Variants in ITPR2 observed in about 807,000 individuals in gnomAD.
ITPR2 encodes inositol 1,4,5-trisphosphate receptor type 2.
A neutral mutation model predicts 317.1 loss-of-function variants in ITPR2; 207 were observed. The observed-to-expected ratio is 0.65, with a 90% confidence interval of 0.58 to 0.73. The LOEUF is 0.73. ITPR2 is among the 30% of genes least tolerant of loss of function. The pLI is 0.00. For synonymous variants in ITPR2, 1,156 were observed against 1,149.1 expected, an observed-to-expected ratio of 1.01 and a Z score of -0.12; for missense variants, 2,613 against 3,284.0, an observed-to-expected ratio of 0.80 and a Z score of 4.99.
At position 26,386,106 on chromosome 12, in the gene ITPR2, T is replaced by C. The variant is rs77894696; in HGVS notation, c.7857+1328A>G. 9.4e-3 allele frequency among the ~76,000 whole-genome samples: 1,437 copies of C among 152,276 alleles called. 12 individuals are homozygous for C. The highest frequency in any genetic ancestry group is 0.015 in the Non-Finnish European group (993 of 68,030). ...CAGCAATGTGAGGTCCCATTTTAAA[T>C]ATAATGTTTTACATGTTTTTACCCT... On this transcript the variant is annotated intron_variant, in intron 55 of 56. Coordinates refer to ENST00000381340, the MANE Select transcript of ITPR2 (RefSeq NM_002223.4).
intron 37 of ITPR2, among the ~76,000 whole-genome samples, chr12:26,542,069 TA>T (rs1396457435): frequency 6.6e-6 from 1 of 152,220 alleles, no homozygotes; most frequent in Non-Finnish European, 1.5e-5. Flanking sequence ...AATTAGATGC[TA>T]TGCTATTTGT....
At chr12:26,723,290 T>A (rs572710203) in intron 4 of ITPR2, among the ~76,000 whole-genome samples, 1 of 152,082 alleles carries the variant, frequency 6.6e-6, no homozygotes, top group African/African-American at 2.4e-5. Flanking sequence ...GGTTCTTTAA[T>A]TGAAAAAAAA....
intron 2 of ITPR2, among the ~76,000 whole-genome samples, chr12:26,728,182 G>A (rs1157785338): frequency 6.6e-6 from 1 of 152,174 alleles, no homozygotes; most frequent in African/African-American, 2.4e-5. Context: ...GGCCATCCCC[G>A]AAACCCGCTG....
At chr12:26,671,572 C>T (rs1002014428) in intron 13 of ITPR2, among the ~76,000 whole-genome samples, 4 of 152,170 alleles carry the variant, frequency 2.6e-5, no homozygotes, top group Admixed American at 1.3e-4. Flanking sequence ...AAAGGAACAA[C>T]TGGTACCAGC....
intron 45 of ITPR2, among the ~76,000 whole-genome samples, chr12:26,459,280 T>C (rs1016753128): frequency 5.3e-5 from 8 of 152,208 alleles, no homozygotes; most frequent in Non-Finnish European, 1.0e-4. Flanking sequence ...GTTTCTCTCA[T>C]TCTCCCCTCT....
chr12:26,420,280 AG>A (rs1485175282), intron 49 of ITPR2, among the ~76,000 whole-genome samples: 2 of 152,190 alleles, frequency 1.3e-5, no homozygotes, highest in African/African-American at 4.8e-5. Context: ...CGAGTTCTTT[AG>A]GTTATCTACT....
chr12:26,611,766 T>C (rs1308492155), intron 26 of ITPR2, among the ~76,000 whole-genome samples: 5 of 152,176 alleles, frequency 3.3e-5, no homozygotes, highest in Non-Finnish European at 7.3e-5. Flanking sequence ...AAGCGGTGGA[T>C]GAACGTAAAG....
At chr12:26,374,019 T>C (rs899365279) in intron 55 of ITPR2, among the ~76,000 whole-genome samples, 2 of 152,246 alleles carry the variant, frequency 1.3e-5, no homozygotes, top group African/African-American at 4.8e-5. Context: ...AATTAGCTCC[T>C]ACCACTCCTG....
At chr12:26,699,683 GACAAAAAGCCA>G (rs1204831654) in intron 9 of ITPR2, among the ~76,000 whole-genome samples, 5 of 151,900 alleles carry the variant, frequency 3.3e-5, no homozygotes, top group Non-Finnish European at 5.9e-5. Context: ...GGGAAAGAAG[GACAAAAAGCCA>G]CCCAAATAAA....
rs113224913 is a variant in ITPR2, at chr12:26,643,016, A to G, written c.2741-10957T>C. 1.2e-3 allele frequency among the ~76,000 whole-genome samples: 185 copies of G among 152,266 alleles called. 1 individual carries two copies. The highest frequency in any genetic ancestry group is 4.3e-3 in the African/African-American group (178 of 41,540). ...TGGTGTTAGAAGTAGAACCTTTGGG[A>G]GGTGATTAGGTCATGGAGGAGGAGT... On this transcript the variant is annotated intron_variant, in intron 21 of 56. Coordinates refer to ENST00000381340, the MANE Select transcript of ITPR2 (RefSeq NM_002223.4).
At chr12:26,560,910 T>C (rs548031396) in intron 35 of ITPR2, among the ~76,000 whole-genome samples, 1 of 152,314 alleles carries the variant, frequency 6.6e-6, no homozygotes, top group Admixed American at 6.5e-5. Flanking sequence ...TTCAACTCCA[T>C]GCAATATTCT....
chr12:26,445,449 C>A (rs186367538), intron 45 of ITPR2, among the ~76,000 whole-genome samples: 1 of 152,038 alleles, frequency 6.6e-6, no homozygotes, highest in African/African-American at 2.4e-5. Flanking sequence ...CTCCATGGAA[C>A]TCCAATATAG....
intron 34 of ITPR2, among the ~76,000 whole-genome samples, chr12:26,575,214 C>A (rs1408529245): frequency 6.8e-6 from 1 of 146,860 alleles, no homozygotes; most frequent in Non-Finnish European, 1.5e-5. Flanking sequence ...AGGAATCTAG[C>A]CTTAGGTTGT....
At chr12:26,426,680 C>A (rs1459306931) in intron 49 of ITPR2, among the ~76,000 whole-genome samples, 1 of 151,994 alleles carries the variant, frequency 6.6e-6, no homozygotes, top group Non-Finnish European at 1.5e-5. Context: ...TAATTGGGAG[C>A]TGTCAAATAC....
chr12:26,398,918 G>A lies in ITPR2; in HGVS notation c.7654C>T (p.Gln2552Ter). 6.2e-7 allele frequency: 1 copy of A among 1,610,000 alleles called. No homozygotes were observed. Among genetic ancestry groups the A allele is most frequent in the South Asian group, 1.1e-5 (1 of 90,204 alleles). The change falls in exon 54 of 57, where the codon CAG (glutamine) becomes TAG (stop). Residue 2552 changes from glutamine to a stop codon, truncating the protein, a stop_gained. Coordinates refer to ENST00000381340, the MANE Select transcript of ITPR2 (RefSeq NM_002223.4). LOFTEE classifies it high-confidence loss of function. Reference sequence around the variant, plus strand: ...GTCTTTAGAATTTCTTCTTTTTTCTGTTTTTCGCTTCTGAGATCAGCAAAA... The same window carrying A: ...GTCTTTAGAATTTCTTCTTTTTTCTATTTTTCGCTTCTGAGATCAGCAAAA... ...DTFADLRSEK[Q>*]KKEEILKTTC...
At chr12:26,704,931 T>C (rs767470606) in intron 9 of ITPR2, among the ~76,000 whole-genome samples, 5 of 152,032 alleles carry the variant, frequency 3.3e-5, no homozygotes, top group African/African-American at 4.8e-5. Flanking sequence ...CATAATCCAA[T>C]TTACCAGGAA....
In ITPR2 at chr12:26,621,106, T is replaced by C. The variant is rs1946481918; in HGVS notation, c.3462+17A>G. 3 of 1,605,184 alleles carry C rather than the reference T, an allele frequency of 1.9e-6. No individual in the cohort carries two copies. Among genetic ancestry groups the C allele is most frequent in the African/African-American group, 1.3e-5 (1 of 74,542 alleles). On this transcript the variant is annotated intron_variant, in intron 26 of 56. Coordinates refer to ENST00000381340, the MANE Select transcript of ITPR2 (RefSeq NM_002223.4). ...AGACATCATTGGGAGTATTTCGAAA[T>C]AGATCTTGAAACGAACCTCAATTGG...
intron 3 of ITPR2, among the ~76,000 whole-genome samples, chr12:26,725,142 G>T (rs1181227309): frequency 6.6e-6 from 1 of 152,078 alleles, no homozygotes; most frequent in East Asian, 1.9e-4. Context: ...CTTTAAGAAG[G>T]TATATTGCTA....
chr12:26,814,438 A>T (rs1950813484), intron 1 of ITPR2, among the ~76,000 whole-genome samples: 1 of 152,204 alleles, frequency 6.6e-6, no homozygotes, highest in Non-Finnish European at 1.5e-5. Flanking sequence ...TTTCAAAATT[A>T]AAAATAAAAA....
Sources: gnomAD v4.1 joint callset for allele counts (sites outside exome capture counted in the v4.1 genomes callset) on GRCh38, gnomAD v4.1.1 for gene constraint, MANE v1.5 for transcripts, NCBI Gene and HGNC (gene_info 2026-07-23, HGNC 2026-07-21) for gene names.